Variants in USP32 observed in about 807,000 individuals in gnomAD.
USP32 encodes ubiquitin carboxyl-terminal hydrolase 32.
A neutral mutation model predicts 204.8 loss-of-function variants in USP32; 59 were observed. The ratio of observed to expected loss-of-function variants is 0.29; its 90% confidence interval spans 0.23 to 0.36. USP32 has a LOEUF of 0.36. USP32 is among the 10% of genes least tolerant of loss of function. The pLI is 1.00. For synonymous variants in USP32, 517 were observed against 678.4 expected (o/e 0.76, Z 3.70); for missense variants, 1,160 against 1,946.4 (o/e 0.60, Z 7.60).
chr17:60,287,319 G>A (rs896998867), intron 5 of USP32, among the ~76,000 whole-genome samples: 1 of 152,086 alleles, frequency 6.6e-6, no homozygotes, highest in Non-Finnish European at 1.5e-5. Flanking sequence ...TGACCTACTT[G>A]TAAGCTCCCC....
rs753945916 is a variant in USP32, at chr17:60,222,535, T to G, written c.1623A>C (p.Thr541=). ...TQEPVKATSL[T]LEGGRLKRTP... is the part of the protein sequence containing the mutation. ...TTCGTTTTAATCGTCCTCCTTCTAGTGTTAATGATGTAGCCTGAGAAAGAA... is the reference window on the plus strand; with the variant it reads ...TTCGTTTTAATCGTCCTCCTTCTAGGGTTAATGATGTAGCCTGAGAAAGAA... Residue 541 remains threonine, a synonymous_variant, in exon 15 of 34, where the codon ACA becomes ACC. Transcript: ENST00000300896. 2 of 1,613,950 alleles carry G rather than the reference T, an allele frequency of 1.2e-6. No individual in the cohort carries two copies. The highest frequency in any genetic ancestry group is 1.1e-5 in the South Asian group (1 of 91,058).
intron 1 of USP32, among the ~76,000 whole-genome samples, chr17:60,365,095 T>A (rs1331190131): frequency 6.6e-6 from 1 of 152,224 alleles, no homozygotes; most frequent in Non-Finnish European, 1.5e-5. Flanking sequence ...TTTTTTTAAA[T>A]GAAGAAAATG....
chr17:60,265,786 T>C (rs1015125956), intron 8 of USP32, among the ~76,000 whole-genome samples, 190 bp downstream of exon 8: 4 of 152,240 alleles, frequency 2.6e-5, no homozygotes, highest in African/African-American at 4.8e-5. Flanking sequence ...TTATTTTACA[T>C]AGTTCAGTTT....
At chr17:60,297,760 G>A (rs1024191364) in intron 3 of USP32, among the ~76,000 whole-genome samples, 9 of 152,104 alleles carry the variant, frequency 5.9e-5, no homozygotes, top group African/African-American at 1.9e-4. Context: ...CATGGCATGA[G>A]CCACCGTGCC....
At chr17:60,396,520 T>C (rs977224226), upstream of USP32, among the ~76,000 whole-genome samples, 3 of 152,224 alleles carry the variant, frequency 2.0e-5, no homozygotes, top group Admixed American at 2.0e-4. Flanking sequence ...TTCTCCTCTC[T>C]GTTGATCATT....
chr17:60,404,031 C>T (rs1467206550), intron 1 of USP32, among the ~76,000 whole-genome samples: 2 of 147,430 alleles, frequency 1.4e-5, no homozygotes, highest in Admixed American at 1.3e-4. Context: ...CAGGGCGAGA[C>T]CCTGCCTCAA....
intron 12 of USP32, among the ~76,000 whole-genome samples, chr17:60,234,301 G>T (rs1323370045): frequency 2.0e-5 from 3 of 151,420 alleles, no homozygotes; most frequent in African/African-American, 7.3e-5. Context: ...TTTCAGTAGA[G>T]ACGGGGTTTC....
intron 16 of USP32, 170 bp downstream of exon 16, chr17:60,219,500 A>G: frequency 1.2e-6 from 1 of 858,166 alleles, no homozygotes; most frequent in Non-Finnish European, 1.7e-6. Flanking sequence ...AGTCTGTAGG[A>G]AAGCTGATGG....
intron 22 of USP32, 143 bp from the exon 23 acceptor site, chr17:60,208,971 T>C (rs1203349325): frequency 1.3e-5 from 11 of 868,864 alleles, no homozygotes; most frequent in Non-Finnish European, 1.7e-5. Context: ...AAATATTAAA[T>C]TGAGATGGAA....
chr17:60,219,290 T>A (rs1195290869), intron 16 of USP32, among the ~76,000 whole-genome samples: 1 of 152,188 alleles, frequency 6.6e-6, no homozygotes. Context: ...CAATGACTGG[T>A]ATACTACTAC....
rs553909602 is a variant in USP32, at chr17:60,207,226, G to T, written c.2926-94C>A. Reference sequence around the variant, plus strand: ...CATATTTCAAAAGAATGTCTTAGGCGCTTTCATCCGTAAAACCAACGAGAT... The same window carrying T: ...CATATTTCAAAAGAATGTCTTAGGCTCTTTCATCCGTAAAACCAACGAGAT... On this transcript the variant is annotated intron_variant, in intron 24 of 33. Coordinates refer to ENST00000300896, the MANE Select transcript of USP32 (RefSeq NM_032582.4). 3.8e-4 allele frequency: 561 copies of T among 1,478,736 alleles called. 5 individuals are homozygous for T. The South Asian group carries it at 6.6e-3, about 17-fold the overall frequency. 91.6% of individuals were successfully genotyped at this position (1,478,736 alleles called of 1,614,324 possible).
intron 26 of USP32, among the ~76,000 whole-genome samples, chr17:60,199,121 A>T (rs1389488623): frequency 1.3e-5 from 2 of 150,354 alleles, no homozygotes; most frequent in African/African-American, 5.0e-5. Context: ...TCTCAAAAAA[A>T]AAAAGAAATG....
At chr17:60,317,881 A>C (rs1398175348) in intron 2 of USP32, among the ~76,000 whole-genome samples, 2 of 152,186 alleles carry the variant, frequency 1.3e-5, no homozygotes, top group African/African-American at 4.8e-5. Flanking sequence ...GCTACCTGGG[A>C]GGCTGAGGCA....
At chr17:60,298,998 G>T (rs1278147588) in intron 3 of USP32, among the ~76,000 whole-genome samples, 1 of 152,046 alleles carries the variant, frequency 6.6e-6, no homozygotes, top group Non-Finnish European at 1.5e-5. Flanking sequence ...TAGGCATGGT[G>T]GCATGCACCT....
At chr17:60,211,564 G>A in intron 19 of USP32, 50 bp from the exon 20 acceptor site, 2 of 1,556,850 alleles carry the variant, frequency 1.3e-6, no homozygotes, top group South Asian at 1.2e-5. Flanking sequence ...AATATGCCAT[G>A]GCACAAACAG....
intron 1 of USP32, among the ~76,000 whole-genome samples, chr17:60,352,637 T>G (rs1432032513): frequency 6.6e-6 from 1 of 152,238 alleles, no homozygotes; most frequent in Non-Finnish European, 1.5e-5. Context: ...CAGGTTTACA[T>G]GCACATTGGT....
At position 60,200,116 on chromosome 17, in the gene USP32, C is replaced by T. The variant is rs183398527; in HGVS notation, c.3250-1672G>A. Among the ~76,000 whole-genome samples the T allele has an allele frequency of 3.9e-5, 6 of 151,984 alleles. No homozygotes were observed. In the East Asian group the frequency reaches 5.8e-4, roughly 15 times the overall value. ...GGCTGAGGCAGGAGAATCACTTGAACGCAGGAGGCATAGAGTACAGTGAGC... is the reference window on the plus strand; with the variant it reads ...GGCTGAGGCAGGAGAATCACTTGAATGCAGGAGGCATAGAGTACAGTGAGC... On this transcript the variant is annotated intron_variant, in intron 26 of 33. Coordinates refer to ENST00000300896, the MANE Select transcript of USP32 (RefSeq NM_032582.4).
intron 26 of USP32, among the ~76,000 whole-genome samples, chr17:60,200,195 A>G (rs2084639409): frequency 6.6e-6 from 1 of 151,902 alleles, no homozygotes; most frequent in Non-Finnish European, 1.5e-5. Flanking sequence ...ACTCTGTCTC[A>G]ACCAAAAAAA....
At chr17:60,421,389 C>T in intron 1 of USP32, 1 of 985,632 alleles carries the variant, frequency 1.0e-6, no homozygotes, top group Non-Finnish European at 1.2e-6. Flanking sequence ...CCGCTATGCC[C>T]CTCTCCTGTG....
Sources: allele counts gnomAD v4.1 joint callset (sites outside exome capture counted in the v4.1 genomes callset), GRCh38; gene constraint gnomAD v4.1.1; transcripts MANE v1.5; gene names NCBI Gene and HGNC (gene_info 2026-07-23, HGNC 2026-07-21).